The following TCF7L2 variants were observed in gnomAD, a reference collection of about 807,000 sequenced individuals.
TCF7L2 encodes the protein transcription factor 7-like 2.
TCF7L2 carries 23 observed loss-of-function variants against 77.9 expected under a neutral mutation model. That is an observed-to-expected ratio of 0.30 (90% CI 0.21 to 0.42). The LOEUF (loss-of-function observed/expected upper bound fraction) is 0.42. Among genes scored for constraint, TCF7L2 ranks in the 10% least tolerant of loss-of-function variants. The pLI is 1.00. For missense variants in TCF7L2, 654 were observed against 793.1 expected, an observed-to-expected ratio of 0.82 and a Z score of 2.11; for synonymous variants, 413 against 340.2, an observed-to-expected ratio of 1.21 and a Z score of -2.36.
intron 8 of TCF7L2, among the ~76,000 whole-genome samples, chr10:113,147,300 A>G (rs766999016): frequency 6.6e-6 from 1 of 152,192 alleles, no homozygotes; most frequent in Admixed American, 6.5e-5. Flanking sequence ...AAGACCAGAG[A>G]AGGGCCTGGA....
rs532556781 is a variant in TCF7L2, at chr10:113,067,235, G to A, written c.552+27109G>A. 3.1e-4 allele frequency among the ~76,000 whole-genome samples: 47 copies of A among 152,286 alleles called. No homozygotes were observed. The South Asian group carries it at 9.1e-3, about 30-fold the overall frequency. ...TAAATCCACCAGCTAAGAGCAACCC[G>A]TAGGAGGGGCTCCAGAAGGACCGGA... On this transcript the variant is annotated intron_variant, in intron 5 of 13. Coordinates refer to ENST00000627217, the MANE Select transcript of TCF7L2 (RefSeq NM_001146274.2).
intron 5 of TCF7L2, among the ~76,000 whole-genome samples, chr10:113,106,024 G>C (rs1176437192): frequency 3.9e-5 from 6 of 152,316 alleles, no homozygotes; most frequent in African/African-American, 1.4e-4. Flanking sequence ...TAAGTGGAAT[G>C]TTACCTAACA....
At chr10:112,998,607 C>T (rs904263613) in intron 4 of TCF7L2, among the ~76,000 whole-genome samples, 9 of 152,100 alleles carry the variant, frequency 5.9e-5, no homozygotes, top group African/African-American at 1.2e-4. Flanking sequence ...ATTTAATTGC[C>T]GTATGAGGCA....
chr10:112,961,262 C>CA lies in TCF7L2; in HGVS notation c.382-3294_382-3293insA, dbSNP rs1377028756. On this transcript the variant is annotated intron_variant, in intron 3 of 13. Coordinates refer to ENST00000627217, the MANE Select transcript of TCF7L2 (RefSeq NM_001146274.2). ...ACTCCCGACCTCAGGTGACCCCCCC[C>CA]CCCCCAACCTCGGCCTTCCAAAGCG... 3.8e-5 allele frequency among the ~76,000 whole-genome samples: 5 copies of CA among 130,778 alleles called. 1 individual carries two copies. The highest frequency in any genetic ancestry group is 1.6e-4 in the African/African-American group (5 of 30,984). 85.8% of individuals were successfully genotyped at this position (130,778 alleles called of 152,430 possible).
At chr10:113,105,655 T>C (rs2062205116) in intron 5 of TCF7L2, among the ~76,000 whole-genome samples, 1 of 152,204 alleles carries the variant, frequency 6.6e-6, no homozygotes, top group African/African-American at 2.4e-5. Flanking sequence ...ACACTTCCAA[T>C]TCTTGCTCAT....
chr10:112,985,217 A>G (rs958737575), intron 4 of TCF7L2, among the ~76,000 whole-genome samples: 2 of 152,142 alleles, frequency 1.3e-5, no homozygotes, highest in East Asian at 1.9e-4. Flanking sequence ...AGGGAAGGCA[A>G]GTGGCTACTT....
chr10:113,099,007 C>T (rs548831033), intron 5 of TCF7L2, among the ~76,000 whole-genome samples: 2 of 152,312 alleles, frequency 1.3e-5, no homozygotes, highest in Non-Finnish European at 2.9e-5. Context: ...GCTGTTTCTC[C>T]AGCCCTCTCC....
chr10:113,119,868 T>G (rs1690616896), intron 5 of TCF7L2, among the ~76,000 whole-genome samples: 1 of 152,182 alleles, frequency 6.6e-6, no homozygotes, highest in South Asian at 2.1e-4. Context: ...AGCGGTCTCT[T>G]TTTGAAGGCG....
At chr10:113,113,440 T>C (rs1427303663) in intron 5 of TCF7L2, among the ~76,000 whole-genome samples, 1 of 152,206 alleles carries the variant, frequency 6.6e-6, no homozygotes, top group African/African-American at 2.4e-5. Flanking sequence ...TCACAGGGCA[T>C]AGGACATCCT....
intron 5 of TCF7L2, among the ~76,000 whole-genome samples, chr10:113,088,904 G>T (rs1326988948): frequency 6.6e-6 from 1 of 151,024 alleles, no homozygotes; most frequent in African/African-American, 2.4e-5. Context: ...AGGAGTTTAA[G>T]TCCAGTCCGG....
rs116304405 is a variant in TCF7L2, at chr10:113,144,071, C to A, written c.788+46C>A. On this transcript the variant is annotated intron_variant, in intron 7 of 13. Transcript: ENST00000627217. ...ATTTCCTTTTTGTTTCTTACATGGG[C>A]ATGTTTATTATTTATTCTGTGTGTG... 5.3e-4 allele frequency: 763 copies of A among 1,449,356 alleles called. 5 individuals carry two copies. The African/African-American group carries it at 9.5e-3, about 18-fold the overall frequency. 89.8% of individuals were successfully genotyped at this position (1,449,356 alleles called of 1,614,324 possible). A position where few individuals can be genotyped will look rare whatever the true frequency, so the allele number is the denominator to read the frequency against.
At chr10:112,957,521 C>T (rs553299267) in intron 3 of TCF7L2, among the ~76,000 whole-genome samples, 2 of 152,034 alleles carry the variant, frequency 1.3e-5, no homozygotes, top group East Asian at 3.9e-4. Flanking sequence ...GAAAAGTAGC[C>T]AGAGGAGACA....
intron 4 of TCF7L2, among the ~76,000 whole-genome samples, chr10:113,005,601 C>T (rs908789137): frequency 6.6e-6 from 1 of 152,124 alleles, no homozygotes; most frequent in Non-Finnish European, 1.5e-5. Context: ...TTGTGGTTAT[C>T]TCACCCCCTG....
At chr10:113,122,915 T>C (rs563564154) in intron 5 of TCF7L2, among the ~76,000 whole-genome samples, 3 of 152,322 alleles carry the variant, frequency 2.0e-5, no homozygotes, top group South Asian at 4.1e-4. Context: ...TCAATTCATA[T>C]AATTAATTTT....
chr10:113,061,049 C>G (rs763032132), intron 5 of TCF7L2, among the ~76,000 whole-genome samples: 1 of 152,186 alleles, frequency 6.6e-6, no homozygotes, highest in Non-Finnish European at 1.5e-5. Flanking sequence ...CACGATCAAA[C>G]TTGATGTGTG....
At position 113,167,103 on chromosome 10, in the gene TCF7L2, C is replaced by T. The variant is rs989131340; in HGVS notation, c.*1131C>T. On this transcript the variant is annotated 3_prime_UTR_variant, in exon 14 of 14. Transcript: ENST00000627217. ...ATTCTCAGTGAATTTAGCTTTCTCCCTCTTTTTGATGCTGTAATTTTTGTT... is the reference window on the plus strand; with the variant it reads ...ATTCTCAGTGAATTTAGCTTTCTCCTTCTTTTTGATGCTGTAATTTTTGTT... 8.7e-6 allele frequency: 2 copies of T among 230,118 alleles called. No individual in the cohort carries two copies. The highest frequency in any genetic ancestry group is 4.4e-5 in the African/African-American group (2 of 45,236). The allele number at this position is 230,118 out of a possible 1,614,324, so 14.3% of individuals were successfully genotyped here.
At chr10:113,133,870 G>T (rs1410193063) in intron 5 of TCF7L2, among the ~76,000 whole-genome samples, 1 of 152,166 alleles carries the variant, frequency 6.6e-6, no homozygotes, top group African/African-American at 2.4e-5. Flanking sequence ...GGCTCTCAGG[G>T]ATTGGAGACG....
intron 4 of TCF7L2, among the ~76,000 whole-genome samples, chr10:113,024,336 C>T (rs2048756271): frequency 1.3e-5 from 2 of 151,972 alleles, no homozygotes; most frequent in Admixed American, 1.3e-4. Context: ...AACAAAAAGT[C>T]ACTTGCTTCT....
At chr10:113,017,304 C>T (rs754564399) in intron 4 of TCF7L2, among the ~76,000 whole-genome samples, 1 of 152,224 alleles carries the variant, frequency 6.6e-6, no homozygotes, top group Non-Finnish European at 1.5e-5. Flanking sequence ...CCAGGAGTGA[C>T]TGCTCTGATG....
Sources: gnomAD v4.1 joint callset for allele counts (sites outside exome capture counted in the v4.1 genomes callset) on GRCh38, gnomAD v4.1.1 for gene constraint, MANE v1.5 for transcripts, NCBI Gene and HGNC (gene_info 2026-07-23, HGNC 2026-07-21) for gene names.